The following MMRN2 variants were observed in gnomAD, a reference collection of about 807,000 sequenced individuals.
MMRN2 encodes multimerin 2, also known as multimerin-2.
MMRN2 carries 53 observed loss-of-function variants against 68.8 expected under a neutral mutation model. That is an observed-to-expected ratio of 0.77 (90% CI 0.62 to 0.97). The LOEUF (loss-of-function observed/expected upper bound fraction) is 0.97. Among genes scored for constraint, MMRN2 ranks in the 50% least tolerant of loss-of-function variants. The probability of loss-of-function intolerance (pLI) is 0.00; values close to 1 mark genes in which losing one functional copy is unlikely to be tolerated. For missense variants in MMRN2, 1,266 were observed against 1,259.5 expected (o/e 1.01, Z -0.08); for synonymous variants, 564 against 551.6 (o/e 1.02, Z -0.32).
chr10:86,938,305 T>C (rs1014655752), intron 6 of MMRN2, among the ~76,000 whole-genome samples: 9 of 152,164 alleles, frequency 5.9e-5, no homozygotes, highest in Non-Finnish European at 1.3e-4. Flanking sequence ...ACCACACAAC[T>C]AGTAAATTAC....
chr10:86,937,782 A>G (rs1055208155), intron 6 of MMRN2, among the ~76,000 whole-genome samples: 1 of 152,132 alleles, frequency 6.6e-6, no homozygotes, highest in Non-Finnish European at 1.5e-5. Context: ...CTCAGGGGAG[A>G]GGGAGAAAAT....
At position 86,943,566 on chromosome 10, in the gene MMRN2, G is replaced by A. The variant is rs1412713978; in HGVS notation, c.1218C>T (p.Thr406=). 5.0e-6 allele frequency: 8 copies of A among 1,614,076 alleles called. No individual in the cohort carries two copies. In the Admixed American group the frequency reaches 8.3e-5, roughly 17 times the overall value. ...YTLEDMRATL[T]RHVDEIKELY... ...GTTCCTTGATCTCATCCACGTGCCGGGTCAGGGTGGCCCTCATGTCCTCCA... is the reference window on the plus strand; with the variant it reads ...GTTCCTTGATCTCATCCACGTGCCGAGTCAGGGTGGCCCTCATGTCCTCCA... Residue 406 remains threonine (T), a synonymous_variant, in exon 6 of 7, where the codon ACC becomes ACT. Coordinates refer to ENST00000372027, the MANE Select transcript of MMRN2 (RefSeq NM_024756.3). The surrounding 1 kb of genome is among the most constrained non-coding windows in gnomAD (Gnocchi z 4.2).
At chr10:86,957,260 G>A in intron 1 of MMRN2, 118 bp downstream of exon 1, 2 of 1,050,270 alleles carry the variant, frequency 1.9e-6, no homozygotes, top group Non-Finnish European at 2.9e-6. Context: ...CCCAGAGATA[G>A]ATACTATTAG....
intron 6 of MMRN2, among the ~76,000 whole-genome samples, chr10:86,938,558 A>G (rs1004539859): frequency 1.3e-5 from 2 of 152,228 alleles, no homozygotes; most frequent in African/African-American, 4.8e-5. Flanking sequence ...CAGGAAAGGT[A>G]AGTCCTACTT....
chr10:86,945,915 C>T (rs1263561561), intron 1 of MMRN2: 1 of 1,277,844 alleles, frequency 7.8e-7, no homozygotes, highest in Non-Finnish European at 1.0e-6. Flanking sequence ...TTCCCGAAGC[C>T]TCCCCGAGCC....
At chr10:86,938,036 G>T (rs1843905259) in intron 6 of MMRN2, among the ~76,000 whole-genome samples, 1 of 152,164 alleles carries the variant, frequency 6.6e-6, no homozygotes, top group African/African-American at 2.4e-5. Context: ...CTGGGCTCAA[G>T]CAATCCTCCC....
At chr10:86,956,976 G>T (rs530094763) in intron 1 of MMRN2, among the ~76,000 whole-genome samples, 1 of 152,348 alleles carries the variant, frequency 6.6e-6, no homozygotes, top group South Asian at 2.1e-4. Flanking sequence ...GGTCCCCAGG[G>T]AACTCAGATC....
At chr10:86,940,537 G>A (rs1408672126) in intron 6 of MMRN2, among the ~76,000 whole-genome samples, 3 of 152,194 alleles carry the variant, frequency 2.0e-5, no homozygotes, top group Non-Finnish European at 2.9e-5. Flanking sequence ...GGTAAGCCTC[G>A]TGCTAGGTAT....
intron 1 of MMRN2, among the ~76,000 whole-genome samples, chr10:86,953,577 A>G (rs1844172967): frequency 6.6e-6 from 1 of 152,174 alleles, no homozygotes; most frequent in African/African-American, 2.4e-5. Flanking sequence ...CCCCAGGTGC[A>G]TTGTCACGAC....
At chr10:86,942,259 G>C in intron 6 of MMRN2, 58 bp downstream of exon 6, 1 of 1,525,160 alleles carries the variant, frequency 6.6e-7, no homozygotes, top group East Asian at 2.3e-5. Context: ...CAGAAGAGCT[G>C]CCGGCAGCCG....
intron 6 of MMRN2, among the ~76,000 whole-genome samples, chr10:86,939,199 C>T (rs1843922211): frequency 6.7e-6 from 1 of 149,564 alleles, no homozygotes; most frequent in Admixed American, 6.7e-5. Context: ...CGCAATGGCT[C>T]ACGCCTGTAA....
At position 86,944,631 on chromosome 10, in the gene MMRN2, A is replaced by G. The variant is rs535304215; in HGVS notation, c.482-196T>C. ...AGCCCTCACCCTGCCTCCTACACCT[A>G]CAGCAGACATGACTAATCAATCATG... On this transcript the variant is annotated intron_variant, in intron 4 of 6. Transcript: ENST00000372027. The G allele has an allele frequency of 7.5e-5, 44 of 585,280 alleles. 1 individual carries two copies. Among genetic ancestry groups the G allele is most frequent in the Non-Finnish European group, 3.6e-5 (12 of 334,496 alleles). The allele number at this position is 585,280 out of a possible 1,614,324, so 36.3% of individuals were successfully genotyped here.
intron 6 of MMRN2, 66 bp downstream of exon 6, chr10:86,942,251 G>A (rs550399824): frequency 1.2e-5 from 18 of 1,519,074 alleles, no homozygotes; most frequent in Admixed American, 4.2e-5. Context: ...CTTGGAGGCA[G>A]AAGAGCTGCC....
intron 6 of MMRN2, among the ~76,000 whole-genome samples, chr10:86,940,017 A>ATT (rs34638842): frequency 0.022 from 3,002 of 138,204 alleles, 51 homozygotes; most frequent in African/African-American, 0.042. Flanking sequence ...CACCGGGCTA[A>ATT]TTTTTTTTTT....
At chr10:86,955,960 C>T (rs1383297634) in intron 1 of MMRN2, among the ~76,000 whole-genome samples, 1 of 152,136 alleles carries the variant, frequency 6.6e-6, no homozygotes, top group Non-Finnish European at 1.5e-5. Context: ...GCTAAGGGAG[C>T]AATGTCTCTC....
At chr10:86,945,040 G>A in intron 4 of MMRN2, 148 bp downstream of exon 4, 1 of 668,682 alleles carries the variant, frequency 1.5e-6, no homozygotes, top group Non-Finnish European at 2.5e-6. Context: ...CTTCAAGGTG[G>A]GAGGTGGTAC....
At chr10:86,955,705 C>T (rs990434435) in intron 1 of MMRN2, among the ~76,000 whole-genome samples, 1 of 152,230 alleles carries the variant, frequency 6.6e-6, no homozygotes, top group African/African-American at 2.4e-5. Context: ...GCCCAGGAAG[C>T]CGCGCGTTTC....
intron 1 of MMRN2, chr10:86,949,441 A>T (rs1186086719): frequency 6.6e-6 from 1 of 152,080 alleles, no homozygotes. Flanking sequence ...TTGCACCTGT[A>T]ATCCCAGATA....
chr10:86,941,574 G>T (rs1843966577), intron 6 of MMRN2, among the ~76,000 whole-genome samples: 3 of 152,024 alleles, frequency 2.0e-5, no homozygotes, highest in Admixed American at 6.6e-5. Flanking sequence ...GAGGTGGGCA[G>T]ATTACTTGAT....
Sources: allele counts gnomAD v4.1 joint callset (sites outside exome capture counted in the v4.1 genomes callset), GRCh38; gene constraint gnomAD v4.1.1; non-coding constraint Gnocchi (gnomAD v3.1); transcripts MANE v1.5; gene names NCBI Gene and HGNC (gene_info 2026-07-23, HGNC 2026-07-21).